Variants in ADAMTS7 observed in about 807,000 individuals in gnomAD.
ADAMTS7 encodes the protein A disintegrin and metalloproteinase with thrombospondin motifs 7.
In ADAMTS7, 89 loss-of-function variants were observed where a neutral mutation model predicts 172.6. The observed-to-expected ratio is 0.52, with a 90% confidence interval of 0.43 to 0.61. The LOEUF (loss-of-function observed/expected upper bound fraction) is 0.61. Ranked by LOEUF, ADAMTS7 falls within the 20% of genes least tolerant of loss-of-function variation. The pLI is 0.00. For synonymous variants in ADAMTS7, 885 were observed against 978.4 expected (o/e 0.90, Z 1.78); for missense variants, 1,973 against 2,355.6 (o/e 0.84, Z 3.36).
Position 78,766,188 on chromosome 15 carries a change from G to T in ADAMTS7, c.3723C>A (p.Pro1241=), listed in dbSNP as rs372761120. The change falls in exon 19 of 24, where the codon CCC becomes CCA. Residue 1241 remains proline, a synonymous_variant. Coordinates refer to ENST00000388820, the MANE Select transcript of ADAMTS7 (RefSeq NM_014272.5). The stretch of plus-strand genomic sequence containing the variant: ...GGGTGCTGCCAACAGGGGACAAAGG[G>T]GGCAGCGTGGAGCTGGGTCTCGGGG... ...HLPPRPSSTL[P]PLSPVGSTHS... is the part of the protein sequence containing the mutation. 8.7e-6 allele frequency: 14 copies of T among 1,611,906 alleles called. No individual in the cohort carries two copies. The African/African-American group carries it at 1.9e-4, about 21-fold the overall frequency.
chr15:78,796,851 C>CCT, intron 3 of ADAMTS7, 65 bp from the exon 4 acceptor site: 1 of 1,442,626 alleles, frequency 6.9e-7, no homozygotes. Flanking sequence ...GTCTCCAGGG[C>CCT]CTCTCCTCAG....
intron 8 of ADAMTS7, among the ~76,000 whole-genome samples, chr15:78,782,718 A>T (rs1486240086): frequency 6.6e-6 from 1 of 152,072 alleles, no homozygotes; most frequent in Non-Finnish European, 1.5e-5. Flanking sequence ...AACCACCCAG[A>T]AGGAGAAGCC....
chr15:78,801,436 A>G (rs995919517), intron 1 of ADAMTS7, among the ~76,000 whole-genome samples: 7 of 152,098 alleles, frequency 4.6e-5, no homozygotes, highest in African/African-American at 1.4e-4. Flanking sequence ...TGTTTTCCAC[A>G]TGGCTAAACC....
chr15:78,775,979 CCT>C (rs1294041920), intron 11 of ADAMTS7, among the ~76,000 whole-genome samples: 1 of 152,230 alleles, frequency 6.6e-6, no homozygotes, highest in Non-Finnish European at 1.5e-5. Flanking sequence ...TCAGTGTCCC[CCT>C]CTCTGGAAAG....
intron 1 of ADAMTS7, among the ~76,000 whole-genome samples, chr15:78,807,158 G>A (rs548883342): frequency 6.6e-6 from 1 of 152,324 alleles, no homozygotes; most frequent in Non-Finnish European, 1.5e-5. Flanking sequence ...AAGGTCAGGG[G>A]GGCACTGATG....
chr15:78,779,418 C>T (rs1223801892), intron 8 of ADAMTS7, among the ~76,000 whole-genome samples: 1 of 152,176 alleles, frequency 6.6e-6, no homozygotes, highest in African/African-American at 2.4e-5. Flanking sequence ...GGAGCCAGGC[C>T]CAGGCTGCCT....
At position 78,811,229 on chromosome 15, in the gene ADAMTS7, C is replaced by T. The variant is rs922717339; in HGVS notation, c.-9G>A. 46 of 1,226,360 alleles carry T rather than the reference C, an allele frequency of 3.8e-5. No individual in the cohort carries two copies. Among genetic ancestry groups the T allele is most frequent in the Middle Eastern group, 6.2e-4 (2 of 3,202 alleles). 76.0% of individuals were successfully genotyped at this position (1,226,360 alleles called of 1,614,324 possible). ...CTGGGGCCGCCGGGCATGGCAGGAA[C>T]CGGGCGGCCGCCGGGTGACCCCGCG... On this transcript the variant is annotated 5_prime_UTR_variant, in exon 1 of 24. Coordinates refer to ENST00000388820, the MANE Select transcript of ADAMTS7 (RefSeq NM_014272.5).
chr15:78,766,585 C>A lies in ADAMTS7; in HGVS notation c.3326G>T (p.Ser1109Ile). ...HSHPAAPSTG[S>I]PVPATEPPAA... ...AGGAGGCTCTGTGGCAGGCACGGGG[C>A]TACCCGTGGAGGGCGCAGCAGGATG... The change falls in exon 19 of 24, where the codon AGC (serine) becomes ATC (isoleucine). Residue 1109 changes from serine to isoleucine, a missense_variant. Physicochemically the swap from Ser to Ile is moderately radical, Grantham distance 142 (BLOSUM62 -2). Around this residue, in one of 8 missense-constraint regions of ADAMTS7, gnomAD observed 771 missense variants for 952.6 expected, o/e 0.81. Coordinates refer to ENST00000388820, the MANE Select transcript of ADAMTS7 (RefSeq NM_014272.5). 6 of 1,602,960 alleles carry A rather than the reference C, an allele frequency of 3.7e-6. No homozygotes were observed. The highest frequency in any genetic ancestry group is 5.1e-6 in the Non-Finnish European group (6 of 1,177,312).
At chr15:78,769,332 C>T (rs1237173042) in intron 16 of ADAMTS7, among the ~76,000 whole-genome samples, 2 of 152,168 alleles carry the variant, frequency 1.3e-5, no homozygotes, top group Admixed American at 6.5e-5. Context: ...CCCGTGGTCC[C>T]GAGAGTAAGT....
intron 1 of ADAMTS7, among the ~76,000 whole-genome samples, chr15:78,802,558 C>T (rs1272302453): frequency 1.3e-5 from 2 of 152,216 alleles, no homozygotes; most frequent in Non-Finnish European, 2.9e-5. Flanking sequence ...AAAAAATTGG[C>T]AGACCTCTGC....
intron 14 of ADAMTS7, among the ~76,000 whole-genome samples, chr15:78,772,350 C>T (rs538375660): frequency 3.0e-4 from 46 of 152,352 alleles, no homozygotes; most frequent in South Asian, 1.4e-3. Flanking sequence ...CATGAACATC[C>T]TGCTGCGGTA....
At chr15:78,784,496 T>G (rs187048960) in intron 8 of ADAMTS7, among the ~76,000 whole-genome samples, 1 of 149,206 alleles carries the variant, frequency 6.7e-6, no homozygotes, top group African/African-American at 2.5e-5. Flanking sequence ...AATAAGAAAG[T>G]GAGAGAATAG....
intron 8 of ADAMTS7, among the ~76,000 whole-genome samples, chr15:78,779,817 T>C (rs887916402): frequency 6.6e-6 from 1 of 151,836 alleles, no homozygotes; most frequent in African/African-American, 2.4e-5. Context: ...GCCCTTCTGC[T>C]TCCTGGCTGC....
At chr15:78,811,041 G>A in intron 1 of ADAMTS7, 80 bp downstream of exon 1, 1 of 1,218,390 alleles carries the variant, frequency 8.2e-7, no homozygotes. Context: ...GGTCCACAAA[G>A]GTGAGGAGGG....
intron 3 of ADAMTS7, 83 bp downstream of exon 3, chr15:78,797,865 G>A (rs2055666292): frequency 3.4e-6 from 5 of 1,478,658 alleles, no homozygotes; most frequent in Non-Finnish European, 2.7e-6. Context: ...TGGGCATGGG[G>A]ATGTTAAGGG....
Position 78,763,653 on chromosome 15 carries a change from C to G in ADAMTS7, c.4740+46G>C. 3 of 1,501,904 alleles carry G rather than the reference C, an allele frequency of 2.0e-6. No homozygotes were observed. In the South Asian group the frequency reaches 3.9e-5, roughly 20 times the overall value. 93.0% of individuals were successfully genotyped at this position (1,501,904 alleles called of 1,614,324 possible). A position where few individuals can be genotyped will look rare whatever the true frequency, so the allele number is the denominator to read the frequency against. On this transcript the variant is annotated intron_variant, in intron 22 of 23. Coordinates refer to ENST00000388820, the MANE Select transcript of ADAMTS7 (RefSeq NM_014272.5). Reference sequence around the variant, plus strand: ...TTCACCCAACCCAAGACTGACCAGGCGCCACCAAGCACTTGCTCCCTGCTC... The same window carrying G: ...TTCACCCAACCCAAGACTGACCAGGGGCCACCAAGCACTTGCTCCCTGCTC...
At chr15:78,777,243 C>T in intron 9 of ADAMTS7, 2 of 738,546 alleles carry the variant, frequency 2.7e-6, no homozygotes, top group Non-Finnish European at 2.2e-6. Flanking sequence ...CCATGGTTGA[C>T]CCAGAATTCA....
In ADAMTS7 at chr15:78,766,902, A is replaced by G. The variant is rs538816976; in HGVS notation, c.3009T>C (p.Pro1003=). 4 of 1,609,902 alleles carry G rather than the reference A, an allele frequency of 2.5e-6. No individual in the cohort carries two copies. The East Asian group carries it at 8.9e-5, about 36-fold the overall frequency. ...TGGAGGAGCCGCTGCCTGAGCCTTC[A>G]GGGCCCAGTGTGCCCAGGGGCCACC... ...LCRWPLGTLG[P]EGSGSGSSSH... Residue 1003 remains proline, a synonymous_variant, in exon 19 of 24, where the codon CCT becomes CCC. Transcript: ENST00000388820.
Position 78,759,397 on chromosome 15 carries a change from G to A in ADAMTS7, c.*24C>T. On this transcript the variant is annotated 3_prime_UTR_variant, in exon 24 of 24. Transcript: ENST00000388820. ...CCGTGGTGGGCACTGAGGTCTGTCGGTCGGTCTGTGCATCCTGGCGCAGTC... is the reference window on the plus strand; with the variant it reads ...CCGTGGTGGGCACTGAGGTCTGTCGATCGGTCTGTGCATCCTGGCGCAGTC... The A allele has an allele frequency of 1.3e-6, 2 of 1,571,240 alleles. No homozygotes were observed. The highest frequency in any genetic ancestry group is 8.6e-7 in the Non-Finnish European group (1 of 1,163,012).
Sources: allele counts gnomAD v4.1 joint callset (sites outside exome capture counted in the v4.1 genomes callset), GRCh38; gene constraint gnomAD v4.1.1; regional missense constraint gnomAD v4.1.1; transcripts MANE v1.5; gene names NCBI Gene and HGNC (gene_info 2026-07-23, HGNC 2026-07-21).